Variants in AP1B1 observed in about 807,000 individuals in gnomAD.
AP1B1 encodes the protein AP-1 complex subunit beta-1.
Under a neutral mutation model 104.3 loss-of-function variants are expected in AP1B1, and 36 were observed. That is an observed-to-expected ratio of 0.35 (90% CI 0.26 to 0.46). The LOEUF is 0.46. Among genes scored for constraint, AP1B1 ranks in the 20% least tolerant of loss-of-function variants. AP1B1 has a pLI of 1.00. For synonymous variants in AP1B1, 504 were observed against 517.5 expected, an observed-to-expected ratio of 0.97 and a Z score of 0.35; for missense variants, 901 against 1,247.9, an observed-to-expected ratio of 0.72 and a Z score of 4.19.
At chr22:29,365,994 C>A (rs1427977142) in intron 2 of AP1B1, among the ~76,000 whole-genome samples, 1 of 152,150 alleles carries the variant, frequency 6.6e-6, no homozygotes, top group East Asian at 1.9e-4. Flanking sequence ...CCAGCTAGAC[C>A]AATACATGAA....
intron 1 of AP1B1, among the ~76,000 whole-genome samples, chr22:29,381,578 C>T (rs1262435283): frequency 1.3e-5 from 2 of 152,206 alleles, no homozygotes; most frequent in African/African-American, 2.4e-5. Context: ...GATTGTCAAG[C>T]TATTCTAACT....
At chr22:29,383,690 CAAA>C (rs35180572) in intron 1 of AP1B1, among the ~76,000 whole-genome samples, 23 of 89,796 alleles carry the variant, frequency 2.6e-4, no homozygotes, top group Admixed American at 3.6e-4. Flanking sequence ...GACTCCGTCT[CAAA>C]AAAAAAAAAA....
chr22:29,338,605 C>CA (rs2061670287), intron 16 of AP1B1, among the ~76,000 whole-genome samples: 1 of 152,158 alleles, frequency 6.6e-6, no homozygotes, highest in South Asian at 2.1e-4. Flanking sequence ...GGAATGGTGA[C>CA]AATGTAAAAT....
At chr22:29,363,501 A>C (rs2062083185) in intron 2 of AP1B1, among the ~76,000 whole-genome samples, 1 of 152,100 alleles carries the variant, frequency 6.6e-6, no homozygotes, top group African/African-American at 2.4e-5. Flanking sequence ...ACAAAAAATT[A>C]GCCGGGCATA....
At chr22:29,370,255 C>A (rs546736380) in intron 1 of AP1B1, among the ~76,000 whole-genome samples, 1 of 152,028 alleles carries the variant, frequency 6.6e-6, no homozygotes, top group East Asian at 1.9e-4. Context: ...GAGTTTGAGA[C>A]CAGCCTGGGC....
rs374901768 is a variant in AP1B1 at position 29,354,881 on chromosome 22, G to A, written c.717-10C>T. The A allele has an allele frequency of 1.1e-4, 171 of 1,610,526 alleles. No individual in the cohort carries two copies. Among genetic ancestry groups the A allele is most frequent in the Non-Finnish European group, 1.4e-4 (159 of 1,177,010 alleles). On this transcript the variant is annotated splice_polypyrimidine_tract_variant and intron_variant, in intron 6 of 22. Transcript: ENST00000357586. ...GACCCGCTCACAGATGCTGGGGTCC[G>A]TCCATTCCAACGGGGCAAACAGGAA...
chr22:29,330,064 G>C, intron 21 of AP1B1: 1 of 1,410,794 alleles, frequency 7.1e-7, no homozygotes. Context: ...TCACAGGACA[G>C]GGCCAGGGCC....
intron 8 of AP1B1, 152 bp from the exon 9 acceptor site, chr22:29,351,418 G>T: frequency 3.1e-6 from 3 of 973,380 alleles, no homozygotes; most frequent in Non-Finnish European, 4.8e-6. Context: ...GCTGGCAGGT[G>T]CCTGAAAAGG....
chr22:29,387,509 T>C (rs6006117), intron 1 of AP1B1, among the ~76,000 whole-genome samples: 4,936 of 152,178 alleles, frequency 0.032, 252 homozygotes, highest in African/African-American at 0.11. Context: ...GGTTTCACCA[T>C]GTTGGTCAGG....
intron 7 of AP1B1, among the ~76,000 whole-genome samples, chr22:29,354,115 C>T (rs746143010): frequency 1.3e-5 from 2 of 152,160 alleles, no homozygotes; most frequent in African/African-American, 2.4e-5. Flanking sequence ...GGAGTGAGTC[C>T]GATGTACCTC....
intron 14 of AP1B1, among the ~76,000 whole-genome samples, 168 bp from the exon 15 acceptor site, chr22:29,339,942 T>C (rs113550001): frequency 1.2e-3 from 179 of 151,312 alleles, no homozygotes; most frequent in African/African-American, 4.1e-3. Context: ...GCCCAGACCC[T>C]GTCTCTATGA....
intron 17 of AP1B1, 25 bp downstream of exon 17, chr22:29,334,240 T>G (rs751942951): frequency 1.3e-6 from 2 of 1,559,822 alleles, no homozygotes; most frequent in Middle Eastern, 1.7e-4. Flanking sequence ...TCTTGAGAGG[T>G]GCGCTGGCCT....
chr22:29,351,401 G>A, intron 8 of AP1B1, 135 bp from the exon 9 acceptor site: 1 of 1,073,884 alleles, frequency 9.3e-7, no homozygotes, highest in Non-Finnish European at 1.4e-6. Flanking sequence ...AAGGCCCAAG[G>A]GAGAGAGCTG....
chr22:29,348,531 T>C (rs1488744347), intron 11 of AP1B1, among the ~76,000 whole-genome samples: 1 of 152,232 alleles, frequency 6.6e-6, no homozygotes, highest in African/African-American at 2.4e-5. Flanking sequence ...TGTCAATGAA[T>C]TGACAATATA....
chr22:29,366,392 C>G (rs1435039443), intron 2 of AP1B1, among the ~76,000 whole-genome samples: 4 of 152,176 alleles, frequency 2.6e-5, no homozygotes, highest in African/African-American at 9.7e-5. Flanking sequence ...AATCCCAGCA[C>G]TTTGGGAGGC....
chr22:29,329,118 A>C, intron 22 of AP1B1: 1 of 1,358,436 alleles, frequency 7.4e-7, no homozygotes, highest in Non-Finnish European at 9.5e-7. Context: ...ACCTGCTGTC[A>C]GCCCAGTCAC....
chr22:29,359,480 G>A (rs998615498), intron 4 of AP1B1, among the ~76,000 whole-genome samples: 5 of 152,216 alleles, frequency 3.3e-5, no homozygotes, highest in African/African-American at 1.2e-4. Context: ...CTGAAGGACA[G>A]AAAATGGAGA....
intron 7 of AP1B1, 110 bp downstream of exon 7, chr22:29,354,539 AT>A: frequency 9.7e-7 from 1 of 1,035,860 alleles, no homozygotes; most frequent in Non-Finnish European, 1.5e-6. Flanking sequence ...GGGTTAAGCT[AT>A]TTGAGACTTC....
At chr22:29,331,554 A>G (rs754716232) in intron 18 of AP1B1, 21 bp from the exon 19 acceptor site, 3 of 1,613,996 alleles carry the variant, frequency 1.9e-6, no homozygotes, top group East Asian at 2.2e-5. Flanking sequence ...GGGGGTCCCC[A>G]GTCAGTCTCT....
Sources: allele counts gnomAD v4.1 joint callset (sites outside exome capture counted in the v4.1 genomes callset), GRCh38; gene constraint gnomAD v4.1.1; transcripts MANE v1.5; gene names NCBI Gene and HGNC (gene_info 2026-07-23, HGNC 2026-07-21).